NAA35: variants seen among roughly 807,000 people sequenced by gnomAD.
NAA35 encodes MAK10 homolog, amino-acid N-acetyltransferase subunit.
A neutral mutation model predicts 101.7 loss-of-function variants in NAA35; 18 were observed. The ratio of observed to expected loss-of-function variants is 0.18; its 90% CI spans 0.12 to 0.26. The LOEUF is 0.26. Ranked by LOEUF, NAA35 falls within the 10% of genes least tolerant of loss-of-function variation. The pLI is 1.00. For missense variants in NAA35, 601 were observed against 886.8 expected, an observed-to-expected ratio of 0.68 and a Z score of 4.09; for synonymous variants, 267 against 273.1, an observed-to-expected ratio of 0.98 and a Z score of 0.22.
At chr9:85,964,632 G>T (rs1397101194) in intron 6 of NAA35, among the ~76,000 whole-genome samples, 1 of 152,114 alleles carries the variant, frequency 6.6e-6, no homozygotes, top group Non-Finnish European at 1.5e-5. Flanking sequence ...TGATATTTTT[G>T]TGAACACAAC....
chr9:85,991,587 A>C (rs921609247), intron 11 of NAA35, among the ~76,000 whole-genome samples: 3 of 152,138 alleles, frequency 2.0e-5, no homozygotes, highest in African/African-American at 7.2e-5. Flanking sequence ...GCTTCTGTGC[A>C]GAAAGGTGGC....
Position 85,955,360 on chromosome 9 carries a change from ATT to A in NAA35, c.125-984_125-983del, listed in dbSNP as rs61549690. Among the ~76,000 whole-genome samples the A allele has an allele frequency of 2.3e-3, 124 of 53,928 alleles. 1 individual carries two copies. Among genetic ancestry groups the A allele is most frequent in the Admixed American group, 0.01 (27 of 2,616 alleles). 35.4% of individuals were successfully genotyped at this position (53,928 alleles called of 152,430 possible). ...TATATATATATATATATATATATAT[ATT>A]TTTTTTTTTTTTTTTCTTCAGACAG... On this transcript the variant is annotated intron_variant, in intron 2 of 22. Transcript: ENST00000361671.
intron 5 of NAA35, among the ~76,000 whole-genome samples, chr9:85,960,127 C>T (rs1373876217): frequency 1.3e-5 from 2 of 152,150 alleles, no homozygotes; most frequent in African/African-American, 2.4e-5. Context: ...ATACCCTTTT[C>T]GTTCTCAAGT....
intron 15 of NAA35, among the ~76,000 whole-genome samples, chr9:86,012,552 C>A: frequency 6.6e-6 from 1 of 152,310 alleles, no homozygotes; most frequent in East Asian, 1.9e-4. Flanking sequence ...CTCAGACTTA[C>A]AAATCCATGT....
At chr9:86,004,929 C>T (rs1159664065) in intron 13 of NAA35, among the ~76,000 whole-genome samples, 1 of 152,148 alleles carries the variant, frequency 6.6e-6, no homozygotes, top group African/African-American at 2.4e-5. Context: ...ATGCAAACTG[C>T]AGGCCAGCTC....
intron 13 of NAA35, among the ~76,000 whole-genome samples, chr9:86,003,910 C>T (rs1831520056): frequency 6.6e-6 from 1 of 151,898 alleles, no homozygotes; most frequent in Non-Finnish European, 1.5e-5. Context: ...AACTAGTAAC[C>T]AACAAGGGAA....
chr9:85,978,747 C>G (rs528420889), intron 11 of NAA35, among the ~76,000 whole-genome samples: 1 of 152,234 alleles, frequency 6.6e-6, no homozygotes, highest in African/African-American at 2.4e-5. Context: ...AGCTGTTTCT[C>G]AAATCTTCCT....
At chr9:86,020,019 C>CT (rs1832444471) in intron 21 of NAA35, among the ~76,000 whole-genome samples, 1 of 152,094 alleles carries the variant, frequency 6.6e-6, no homozygotes, top group South Asian at 2.1e-4. Context: ...TGGAATGCTC[C>CT]TTATGATTTA....
intron 2 of NAA35, among the ~76,000 whole-genome samples, chr9:85,945,366 C>A (rs796736327): frequency 5.3e-5 from 8 of 152,250 alleles, no homozygotes; most frequent in African/African-American, 1.9e-4. Context: ...ATTTATTTTC[C>A]CGTCTTGGAA....
intron 3 of NAA35, among the ~76,000 whole-genome samples, chr9:85,957,537 G>T (rs1829331029): frequency 6.6e-6 from 1 of 152,136 alleles, no homozygotes. Flanking sequence ...CCATGCCCCA[G>T]ACACTTCCCA....
At chr9:86,013,549 A>G (rs1156845324) in intron 16 of NAA35, among the ~76,000 whole-genome samples, 170 bp from the exon 17 acceptor site, 1 of 152,212 alleles carries the variant, frequency 6.6e-6, no homozygotes, top group Non-Finnish European at 1.5e-5. Context: ...CCATTGTGAA[A>G]TGAGAACTTC....
intron 6 of NAA35, among the ~76,000 whole-genome samples, chr9:85,968,844 T>A (rs750437838): frequency 2.6e-5 from 4 of 152,192 alleles, no homozygotes; most frequent in Non-Finnish European, 2.9e-5. Flanking sequence ...TGTATAAATA[T>A]TAATGAGAGG....
rs1483627714 is a variant in NAA35, at chr9:86,023,016, A to G, written c.*1056A>G. Among the ~76,000 whole-genome samples, 1 of 152,132 alleles carries G rather than the reference A, an allele frequency of 6.6e-6. No individual in the cohort carries two copies. Among genetic ancestry groups the G allele is most frequent in the East Asian group, 1.9e-4 (1 of 5,180 alleles). The stretch of plus-strand genomic sequence containing the variant: ...TGGTTAAAAGGGTTCTCAGCTTCAA[A>G]TATCTTAACTCTGATTTGGTACCTT... On this transcript the variant is annotated 3_prime_UTR_variant, in exon 23 of 23. Transcript: ENST00000361671.
chr9:85,966,979 T>C (rs1245682591), intron 6 of NAA35, among the ~76,000 whole-genome samples: 1 of 152,108 alleles, frequency 6.6e-6, no homozygotes, highest in East Asian at 1.9e-4. Context: ...TAGTGGCACA[T>C]GCCTGTAGTC....
In NAA35 at chr9:86,001,106, A is replaced by G. The variant is rs187204560; in HGVS notation, c.1057-2479A>G. ...TTGTATCTTTGTTCTCATTATTTTC[A>G]AAGAACTTCTTGATTTCTGCCTTAA... On this transcript the variant is annotated intron_variant, in intron 12 of 22. Transcript: ENST00000361671. Among the ~76,000 whole-genome samples the G allele has an allele frequency of 1.6e-3, 248 of 152,230 alleles. 1 individual carries two copies. Among genetic ancestry groups the G allele is most frequent in the African/African-American group, 3.8e-3 (157 of 41,530 alleles).
intron 6 of NAA35, chr9:85,966,608 C>T (rs1564295050): frequency 6.2e-6 from 8 of 1,293,804 alleles, no homozygotes; most frequent in Non-Finnish European, 8.1e-6. Context: ...TTCGCGGCTC[C>T]TAGAACTGAT....
In NAA35 at chr9:86,022,075, A is replaced by G. The variant is rs932363818; in HGVS notation, c.*115A>G. 24 of 743,678 alleles carry G rather than the reference A, an allele frequency of 3.2e-5. No individual in the cohort carries two copies. Among genetic ancestry groups the G allele is most frequent in the Non-Finnish European group, 4.2e-5 (19 of 449,126 alleles). 46.1% of individuals were successfully genotyped at this position (743,678 alleles called of 1,614,324 possible). A position where few individuals can be genotyped will look rare whatever the true frequency, so the allele number is the denominator to read the frequency against. ...AGTGAGATGGATTTCTTGGGTAACAACTCATTATAAGGAATACTTTTAGTT... is the reference window on the plus strand; with the variant it reads ...AGTGAGATGGATTTCTTGGGTAACAGCTCATTATAAGGAATACTTTTAGTT... On this transcript the variant is annotated 3_prime_UTR_variant, in exon 23 of 23. Transcript: ENST00000361671.
At chr9:85,987,087 A>G (rs1200489248) in intron 11 of NAA35, 1 of 152,360 alleles carries the variant, frequency 6.6e-6, no homozygotes, top group Non-Finnish European at 1.5e-5. Context: ...AAGTGGGACA[A>G]GCTTGAGGTA....
intron 2 of NAA35, among the ~76,000 whole-genome samples, chr9:85,942,684 C>T (rs1469975433): frequency 6.6e-6 from 1 of 152,204 alleles, no homozygotes; most frequent in Non-Finnish European, 1.5e-5. Context: ...CACCCTCCTT[C>T]CCTATGGGTC....
Sources: gnomAD v4.1 joint callset for allele counts (sites outside exome capture counted in the v4.1 genomes callset) on GRCh38, gnomAD v4.1.1 for gene constraint, MANE v1.5 for transcripts, NCBI Gene and HGNC (gene_info 2026-07-23, HGNC 2026-07-21) for gene names.